Variants in LRRTM4 observed in about 807,000 individuals in gnomAD.
The protein encoded by LRRTM4 is leucine rich repeat transmembrane neuronal 4, also known as leucine-rich repeat transmembrane neuronal protein 4.
A neutral mutation model predicts 47.6 loss-of-function variants in LRRTM4; 25 were observed. The ratio of observed to expected loss-of-function variants is 0.53; its 90% CI spans 0.38 to 0.73. The LOEUF (loss-of-function observed/expected upper bound fraction) is 0.73, where lower values mean the gene tolerates loss of function less well. Among genes scored for constraint, LRRTM4 ranks in the 30% least tolerant of loss-of-function variants. The pLI, the probability that LRRTM4 is intolerant of heterozygous loss-of-function variation, is 0.00. For missense variants in LRRTM4, 638 were observed against 713.4 expected (o/e 0.89, Z 1.20); for synonymous variants, 311 against 269.5 (o/e 1.15, Z -1.51).
chr2:76,754,014 A>C (rs1672941543), intron 3 of LRRTM4, among the ~76,000 whole-genome samples: 1 of 152,150 alleles, frequency 6.6e-6, no homozygotes, highest in African/African-American at 2.4e-5. Context: ...GAGTTCTTTC[A>C]ATTGAAGTCA....
intron 3 of LRRTM4, among the ~76,000 whole-genome samples, chr2:77,098,572 CAGGGCCTCTTGCTA>C (rs1670869882): frequency 6.6e-6 from 1 of 151,966 alleles, no homozygotes; most frequent in Admixed American, 6.6e-5. Flanking sequence ...AGCTTATTCA[CAGGGCCTCTTGCTA>C]AGGAAATATT....
chr2:77,323,315 G>T (rs888555343), intron 3 of LRRTM4, among the ~76,000 whole-genome samples: 1 of 152,132 alleles, frequency 6.6e-6, no homozygotes, highest in Admixed American at 6.6e-5. Flanking sequence ...ATTGTTTGCT[G>T]CCATCTTGAG....
chr2:77,094,947 A>T (rs1464604344), intron 3 of LRRTM4, among the ~76,000 whole-genome samples: 1 of 152,226 alleles, frequency 6.6e-6, no homozygotes, highest in East Asian at 1.9e-4. Context: ...GTACCAACCT[A>T]AAAGCTTCTG....
At chr2:76,819,220 T>TTA (rs1250022813) in intron 3 of LRRTM4, among the ~76,000 whole-genome samples, 1 of 149,542 alleles carries the variant, frequency 6.7e-6, no homozygotes, top group East Asian at 2.0e-4. Context: ...ATTATGTGCC[T>TTA]TATATATATT....
rs906540071 is a variant in LRRTM4, at chr2:76,885,886, T to TA, written c.1552-136971dup. ...TTTGTACTTTAAGTTTTCCAGATCATAAAAAAAAAGACATGAATCTTTTCA... is the reference window on the plus strand; with the variant it reads ...TTTGTACTTTAAGTTTTCCAGATCATAAAAAAAAAAGACATGAATCTTTTCA... On this transcript the variant is annotated intron_variant, in intron 3 of 3. Transcript: ENST00000409884. Among the ~76,000 whole-genome samples, 34 of 150,720 alleles carry TA rather than the reference T, an allele frequency of 2.3e-4. No individual in the cohort carries two copies. The South Asian group carries it at 4.8e-3, about 21-fold the overall frequency.
intron 3 of LRRTM4, among the ~76,000 whole-genome samples, chr2:77,121,750 G>T (rs186235721): frequency 6.6e-6 from 1 of 151,676 alleles, no homozygotes; most frequent in Non-Finnish European, 1.5e-5. Flanking sequence ...TTAGCCAATC[G>T]CTTTTCTACC....
intron 3 of LRRTM4, among the ~76,000 whole-genome samples, chr2:77,137,269 C>T (rs1365631985): frequency 6.6e-6 from 1 of 151,866 alleles, no homozygotes; most frequent in Admixed American, 6.6e-5. Flanking sequence ...AGACTCACAG[C>T]AGATCTCTTG....
At chr2:77,434,239 G>T (rs140773244) in intron 3 of LRRTM4, among the ~76,000 whole-genome samples, 68 of 136,050 alleles carry the variant, frequency 5.0e-4, no homozygotes, top group African/African-American at 1.8e-3. Flanking sequence ...TCAGATCCCA[G>T]ATTGGGAAAA....
At chr2:77,213,133 A>G (rs887084752) in intron 3 of LRRTM4, among the ~76,000 whole-genome samples, 1 of 152,208 alleles carries the variant, frequency 6.6e-6, no homozygotes, top group Non-Finnish European at 1.5e-5. Flanking sequence ...TTACCAGGAA[A>G]CAAAAGAGAC....
At chr2:76,976,948 A>G (rs1434494570) in intron 3 of LRRTM4, among the ~76,000 whole-genome samples, 2 of 151,826 alleles carry the variant, frequency 1.3e-5, no homozygotes, top group African/African-American at 4.8e-5. Context: ...ATCACTCTAC[A>G]TCCCATAGAT....
At chr2:76,989,240 A>T (rs1171492117) in intron 3 of LRRTM4, among the ~76,000 whole-genome samples, 1 of 151,792 alleles carries the variant, frequency 6.6e-6, no homozygotes, top group Non-Finnish European at 1.5e-5. Context: ...AAAATTTAAT[A>T]ATCTATTTAA....
intron 3 of LRRTM4, among the ~76,000 whole-genome samples, chr2:77,491,679 C>A (rs978596718): frequency 6.6e-6 from 1 of 151,280 alleles, no homozygotes; most frequent in Admixed American, 6.6e-5. Context: ...AATATATTAA[C>A]GACATTATAC....
chr2:77,162,885 AG>A (rs1263600771), intron 3 of LRRTM4, among the ~76,000 whole-genome samples: 1 of 152,224 alleles, frequency 6.6e-6, no homozygotes, highest in African/African-American at 2.4e-5. Flanking sequence ...AGAGCAGAAA[AG>A]CTGAAAATTT....
chr2:77,051,605 T>C (rs768189723), intron 3 of LRRTM4, among the ~76,000 whole-genome samples: 2 of 152,206 alleles, frequency 1.3e-5, no homozygotes, highest in Admixed American at 1.3e-4. Flanking sequence ...CTAAAATTAA[T>C]ACATGTAATG....
At chr2:77,470,719 G>A (rs1406651469) in intron 3 of LRRTM4, among the ~76,000 whole-genome samples, 1 of 152,064 alleles carries the variant, frequency 6.6e-6, no homozygotes, top group Non-Finnish European at 1.5e-5. Flanking sequence ...TTTGTAGTGA[G>A]AGAATGCAAA....
At chr2:76,864,408 A>G (rs1038671051) in intron 3 of LRRTM4, among the ~76,000 whole-genome samples, 3 of 152,188 alleles carry the variant, frequency 2.0e-5, no homozygotes, top group Admixed American at 6.5e-5. Context: ...CTGTAATCCA[A>G]GCACTTTGGG....
At chr2:77,369,444 G>A (rs552299815) in intron 3 of LRRTM4, among the ~76,000 whole-genome samples, 2 of 151,588 alleles carry the variant, frequency 1.3e-5, no homozygotes, top group Admixed American at 1.3e-4. Flanking sequence ...AAATATGTAG[G>A]ATAAATAAGG....
At position 76,961,205 on chromosome 2, in the gene LRRTM4, G is replaced by C. The variant is rs557686475; in HGVS notation, c.1552-212289C>G. ...AAAGTGCTGTTTATCATGTTTATCT[G>C]GTGTCACATGTAAATAAATATCTAA... On this transcript the variant is annotated intron_variant, in intron 3 of 3. Coordinates refer to ENST00000409884, the MANE Select transcript of LRRTM4 (RefSeq NM_001134745.3). Among the ~76,000 whole-genome samples the C allele has an allele frequency of 8.9e-4, 134 of 151,344 alleles. 1 individual carries two copies. Among genetic ancestry groups the C allele is most frequent in the African/African-American group, 3.1e-3 (127 of 41,402 alleles).
intron 3 of LRRTM4, among the ~76,000 whole-genome samples, chr2:77,321,787 T>A (rs2104227892): frequency 6.6e-6 from 1 of 152,198 alleles, no homozygotes; most frequent in Non-Finnish European, 1.5e-5. Context: ...AGAATTTTTT[T>A]GAGATTTCAA....
Sources: allele counts gnomAD v4.1 joint callset (sites outside exome capture counted in the v4.1 genomes callset), GRCh38; gene constraint gnomAD v4.1.1; transcripts MANE v1.5; gene names NCBI Gene and HGNC (gene_info 2026-07-23, HGNC 2026-07-21).